The following MLKL variants were observed in gnomAD, a reference collection of about 807,000 sequenced individuals.
The protein encoded by MLKL is mixed lineage kinase domain-like protein.
Under a neutral mutation model 56.5 loss-of-function variants are expected in MLKL, and 55 were observed. The observed-to-expected ratio is 0.97, with a 90% CI of 0.78 to 1.22. The LOEUF (loss-of-function observed/expected upper bound fraction) is 1.22. Among genes scored for constraint, MLKL ranks in the 50% most tolerant of loss-of-function variants. The probability of loss-of-function intolerance (pLI) is 0.00; values close to 1 mark genes in which losing one functional copy is unlikely to be tolerated. For missense variants in MLKL, 694 were observed against 573.9 expected, an observed-to-expected ratio of 1.21 and a Z score of -2.14; for synonymous variants, 251 against 208.3, an observed-to-expected ratio of 1.20 and a Z score of -1.76.
In MLKL at chr16:74,691,350, G is replaced by A. The variant is rs1329263314; in HGVS notation, c.649C>T (p.Leu217Phe). 1 of 1,614,096 alleles carries A rather than the reference G, an allele frequency of 6.2e-7. No homozygotes were observed. The highest frequency in any genetic ancestry group is 1.1e-5 in the South Asian group (1 of 91,078). The change falls in exon 4 of 11, where the codon CTT becomes TTT. Residue 217 changes from leucine to phenylalanine, a missense_variant. Physicochemically the swap from Leu to Phe is conservative, Grantham distance 22 (BLOSUM62 0). Transcript: ENST00000308807. The stretch of plus-strand genomic sequence containing the variant: ...GCTCTGTGGTATTCTCCTTTATAAA[G>A]TGTGCTGACTTCATTTTCCCTTAGC... Reference protein sequence around the residue: ...ILLRENEVSTLYKGEYHRAPV... With the variant: ...ILLRENEVSTFYKGEYHRAPV...
At chr16:74,699,139 AG>A (rs1171137546) in intron 1 of MLKL, among the ~76,000 whole-genome samples, 1 of 152,130 alleles carries the variant, frequency 6.6e-6, no homozygotes, top group Non-Finnish European at 1.5e-5. Context: ...ACAAAAAAAA[AG>A]AAAGAAAGAA....
chr16:74,685,264 G>A (rs1960252600), intron 5 of MLKL, among the ~76,000 whole-genome samples: 1 of 151,990 alleles, frequency 6.6e-6, no homozygotes, highest in Non-Finnish European at 1.5e-5. Context: ...AGAAGATGTG[G>A]CCATGTTAGT....
intron 5 of MLKL, among the ~76,000 whole-genome samples, chr16:74,683,492 A>C (rs946644945): frequency 1.3e-5 from 2 of 150,682 alleles, no homozygotes; most frequent in Admixed American, 1.3e-4. Flanking sequence ...GCTATTAGGG[A>C]GGCTGAGGCA....
rs143219332 is a variant in MLKL, at chr16:74,684,501, T to G, written c.820+985A>C. ...AGAGGGGTAAAGTAATGGTTTTTTT[T>G]TTTGTTTGTTTGAGACAGAGTCTCA... On this transcript the variant is annotated intron_variant, in intron 5 of 10. Transcript: ENST00000308807. Among the ~76,000 whole-genome samples the G allele has an allele frequency of 6.9e-3, 1,039 of 151,374 alleles. 15 individuals carry two copies. The highest frequency in any genetic ancestry group is 0.041 in the South Asian group (198 of 4,782).
intron 2 of MLKL, among the ~76,000 whole-genome samples, chr16:74,693,868 G>A (rs1004354391): frequency 1.3e-5 from 2 of 152,130 alleles, no homozygotes; most frequent in South Asian, 4.1e-4. Context: ...CTCCCAAAGT[G>A]CTGGGATTAC....
intron 10 of MLKL, among the ~76,000 whole-genome samples, chr16:74,674,370 C>G (rs1232270962): frequency 6.6e-6 from 1 of 151,856 alleles, no homozygotes; most frequent in Non-Finnish European, 1.5e-5. Flanking sequence ...CCAGGGTGGT[C>G]TCAAACTCCT....
chr16:74,682,721 C>G lies in MLKL; in HGVS notation c.886G>C (p.Asp296His). The change falls in exon 6 of 11, where the codon GAT becomes CAT. Residue 296 changes from aspartate to histidine, a missense_variant. Physicochemically the swap from Asp to His is moderately conservative, Grantham distance 81 (BLOSUM62 -1). Coordinates refer to ENST00000308807, the MANE Select transcript of MLKL (RefSeq NM_152649.4). ...CELGTLRELL[D>H]REKDLTLGKR... ...CCAAGTGTGAGGTCTTTTTCCCTAT[C>G]CAACAGCTCCCTCAGGGTCCCGAGT... 6.2e-7 allele frequency: 1 copy of G among 1,614,142 alleles called. No individual in the cohort carries two copies. The highest frequency in any genetic ancestry group is 8.5e-7 in the Non-Finnish European group (1 of 1,180,016).
intron 4 of MLKL, among the ~76,000 whole-genome samples, chr16:74,688,176 G>C (rs186088887): frequency 1.2e-3 from 179 of 151,590 alleles, no homozygotes; most frequent in African/African-American, 4.1e-3. Context: ...CGCCATGTTG[G>C]CTAGGCTGGT....
intron 1 of MLKL, 39 bp from the exon 2 acceptor site, chr16:74,695,798 C>A: frequency 6.6e-7 from 1 of 1,509,716 alleles, no homozygotes; most frequent in Non-Finnish European, 9.0e-7. Context: ...ATCCCCAAAT[C>A]TCCTGCATAT....
chr16:74,698,815 T>C (rs1308664338), intron 1 of MLKL, among the ~76,000 whole-genome samples: 1 of 152,076 alleles, frequency 6.6e-6, no homozygotes, highest in Non-Finnish European at 1.5e-5. Context: ...AGTGGTGGCA[T>C]GGTATGAAGA....
At chr16:74,685,399 G>T in intron 5 of MLKL, 87 bp downstream of exon 5, 1 of 976,608 alleles carries the variant, frequency 1.0e-6, no homozygotes, top group Non-Finnish European at 1.6e-6. Context: ...CCTTTGTGAT[G>T]TTCTTTAAAA....
intron 7 of MLKL, chr16:74,676,200 G>A: frequency 4.1e-6 from 4 of 987,262 alleles, no homozygotes; most frequent in South Asian, 4.3e-5. Flanking sequence ...AAATGGCATG[G>A]GGGCATCCCC....
At chr16:74,693,359 T>C (rs1960791403) in intron 2 of MLKL, among the ~76,000 whole-genome samples, 1 of 147,344 alleles carries the variant, frequency 6.8e-6, no homozygotes, top group Non-Finnish European at 1.5e-5. Flanking sequence ...TCCCAACTAC[T>C]GGGGTGACTG....
chr16:74,693,603 ATTTT>A (rs71376299), intron 2 of MLKL, among the ~76,000 whole-genome samples: 2 of 135,782 alleles, frequency 1.5e-5, no homozygotes. Flanking sequence ...GAAATGGTAA[ATTTT>A]TTTTTTTTTT....
In MLKL at chr16:74,675,033, G is replaced by C. The variant is rs185833033; in HGVS notation, c.1308C>G (p.Asp436Glu). The change falls in exon 10 of 11, where the codon GAC (aspartate) becomes GAG (glutamate). Residue 436 changes from aspartate to glutamate, a missense_variant. Coordinates refer to ENST00000308807, the MANE Select transcript of MLKL (RefSeq NM_152649.4). Reference sequence around the variant, plus strand: ...TGATCTCCCGCAGCTCTGAAGGGCAGTCTTCACCCAGTGGCTCCTGCTGCC... The same window carrying C: ...TGATCTCCCGCAGCTCTGAAGGGCACTCTTCACCCAGTGGCTCCTGCTGCC... ...VKRQQEPLGE[D>E]CPSELREIID... 7 of 1,614,108 alleles carry C rather than the reference G, an allele frequency of 4.3e-6. No individual in the cohort carries two copies. The African/African-American group carries it at 8.0e-5, about 18-fold the overall frequency.
rs1567615631 is a variant in MLKL, at chr16:74,691,480, G to C, written c.536-17C>G. 6.2e-7 allele frequency: 1 copy of C among 1,602,346 alleles called. No individual in the cohort carries two copies. The highest frequency in any genetic ancestry group is 2.2e-5 in the East Asian group (1 of 44,802). The stretch of plus-strand genomic sequence containing the variant: ...GTGGTAAATCTGACCTCACCCCCGA[G>C]AGGAAAGAAGACAAAAGAGTCAATG... On this transcript the variant is annotated splice_polypyrimidine_tract_variant and intron_variant, in intron 3 of 10. Coordinates refer to ENST00000308807, the MANE Select transcript of MLKL (RefSeq NM_152649.4).
At position 74,675,680 on chromosome 16, in the gene MLKL, C is replaced by T; in HGVS notation, c.1123G>A (p.Ala375Thr). Residue 375 changes from alanine (A) to threonine (T), a missense_variant, in exon 8 of 11, where the codon GCA becomes ACA. Ala to Thr is a moderately conservative substitution (Grantham distance 58). Transcript: ENST00000308807. ...REKTDRVKST[A>T]YLSPQELEDV... ...TCCAGTTCCTGAGGTGAGAGATATGCTGTAGATTTGACTCTGTCTGTCTTT... is the reference window on the plus strand; with the variant it reads ...TCCAGTTCCTGAGGTGAGAGATATGTTGTAGATTTGACTCTGTCTGTCTTT... 1 of 1,614,002 alleles carries T rather than the reference C, an allele frequency of 6.2e-7. No individual in the cohort carries two copies. The highest frequency in any genetic ancestry group is 1.3e-5 in the African/African-American group (1 of 75,012).
At position 74,674,995 on chromosome 16, in the gene MLKL, C is replaced by T. The variant is rs761124985; in HGVS notation, c.1346G>A (p.Arg449Gln). 3.9e-5 allele frequency: 63 copies of T among 1,614,172 alleles called. No homozygotes were observed. Among genetic ancestry groups the T allele is most frequent in the East Asian group, 3.1e-4 (14 of 44,872 alleles). Residue 449 changes from arginine (R) to glutamine (Q), a missense_variant, in exon 10 of 11, where the codon CGG (arginine) becomes CAG (glutamine). Transcript: ENST00000308807. ...SELREIIDEC[R>Q]AHDPSVRPSV... ...GGGCCGCACAGAGGGATCATGGGCC[C>T]GGCACTCATCAATGATCTCCCGCAG...
intron 2 of MLKL, 56 bp downstream of exon 2, chr16:74,695,242 G>C (rs1960955356): frequency 6.5e-7 from 1 of 1,533,016 alleles, no homozygotes; most frequent in Admixed American, 1.7e-5. Context: ...GTAAATTAAA[G>C]TGAGACTAAA....
Sources: gnomAD v4.1 joint callset for allele counts (sites outside exome capture counted in the v4.1 genomes callset) on GRCh38, gnomAD v4.1.1 for gene constraint, MANE v1.5 for transcripts, NCBI Gene and HGNC (gene_info 2026-07-23, HGNC 2026-07-21) for gene names.